The following TCF4 variants were observed in gnomAD, a reference collection of about 807,000 sequenced individuals.
TCF4 encodes SL3-3 enhancer factor 2.
In TCF4, 3 loss-of-function variants were observed where a neutral mutation model predicts 82.1. The ratio of observed to expected loss-of-function variants is 0.04; its 90% CI spans 0.02 to 0.09. TCF4 has a LOEUF of 0.09. Among genes scored for constraint, TCF4 ranks in the 10% least tolerant of loss-of-function variants. TCF4 has a pLI of 1.00. For missense variants in TCF4, 518 were observed against 852.7 expected, an observed-to-expected ratio of 0.61 and a Z score of 4.89; for synonymous variants, 276 against 309.6, an observed-to-expected ratio of 0.89 and a Z score of 1.14.
At chr18:55,247,305 A>G (rs2053585572) in intron 15 of TCF4, among the ~76,000 whole-genome samples, 1 of 152,218 alleles carries the variant, frequency 6.6e-6, no homozygotes, top group Non-Finnish European at 1.5e-5. Context: ...CAGAGATGGC[A>G]GAGTATGTGA....
At chr18:55,576,196 T>C (rs2097526757) in intron 3 of TCF4, among the ~76,000 whole-genome samples, 1 of 143,204 alleles carries the variant, frequency 7.0e-6, no homozygotes, top group African/African-American at 2.4e-5. Context: ...CCAGCAAACA[T>C]TGCAAAAGAA....
At chr18:55,566,314 AG>A (rs946740310) in intron 3 of TCF4, among the ~76,000 whole-genome samples, 7 of 152,166 alleles carry the variant, frequency 4.6e-5, no homozygotes, top group African/African-American at 1.7e-4. Flanking sequence ...GGAAAGGTAG[AG>A]GGGCAGGAGG....
chr18:55,603,608 G>A lies in TCF4; in HGVS notation c.287-16472C>T, dbSNP rs189867090. ...AAATAGTTAATAACAGGTGGAACAG[G>A]CGACACAAACTCCTCACTATTGTCC... is the stretch of plus-strand genomic sequence containing the variant. On this transcript the variant is annotated intron_variant, in intron 2 of 20. Transcript: ENST00000398339. 4.6e-5 allele frequency among the ~76,000 whole-genome samples: 7 copies of A among 152,216 alleles called. No individual in the cohort carries two copies. In the East Asian group the frequency reaches 1.4e-3, roughly 29 times the overall value.
At chr18:55,420,220 G>A (rs1424674489) in intron 5 of TCF4, among the ~76,000 whole-genome samples, 3 of 152,082 alleles carry the variant, frequency 2.0e-5, no homozygotes, top group Admixed American at 6.5e-5. Context: ...TTTCCCTAAA[G>A]GAATACACCA....
chr18:55,375,310 A>G (rs2090454999), intron 6 of TCF4, among the ~76,000 whole-genome samples: 1 of 152,124 alleles, frequency 6.6e-6, no homozygotes, highest in African/African-American at 2.4e-5. Context: ...ACACACATGC[A>G]CACAAGCATA....
chr18:55,425,527 A>C (rs1159987779), intron 5 of TCF4, among the ~76,000 whole-genome samples: 1 of 151,304 alleles, frequency 6.6e-6, no homozygotes. Context: ...AAAAAAAAAA[A>C]CAGAAAACAT....
chr18:55,480,756 G>C (rs1235750985), intron 3 of TCF4, among the ~76,000 whole-genome samples: 1 of 152,186 alleles, frequency 6.6e-6, no homozygotes, highest in Non-Finnish European at 1.5e-5. Flanking sequence ...GTATCACAGT[G>C]GTGGGGGACA....
In TCF4 at chr18:55,425,937, T is replaced by C. The variant is rs540720937; in HGVS notation, c.305-22419A>G. Among the ~76,000 whole-genome samples, 4 of 152,236 alleles carry C rather than the reference T, an allele frequency of 2.6e-5. No individual in the cohort carries two copies. The South Asian group carries it at 6.2e-4, about 24-fold the overall frequency. ...TTTAAACTACCACTCTACAGGAAGA[T>C]GGGAAATGCCTAGTGCTCTACTTTA... On this transcript the variant is annotated intron_variant, in intron 5 of 19. Transcript: ENST00000354452.
chr18:55,352,372 T>C (rs1242418273), intron 6 of TCF4, among the ~76,000 whole-genome samples: 3 of 152,160 alleles, frequency 2.0e-5, no homozygotes, highest in African/African-American at 7.2e-5. Flanking sequence ...AGAACCTCTC[T>C]ATTCCAAGGG....
At chr18:55,631,872 T>C (rs1400359517) in intron 1 of TCF4, among the ~76,000 whole-genome samples, 3 of 152,194 alleles carry the variant, frequency 2.0e-5, no homozygotes, top group African/African-American at 7.2e-5. Flanking sequence ...AAGGTATTAA[T>C]TCCAATTCTG....
At chr18:55,309,571 T>C (rs1485554156) in intron 8 of TCF4, among the ~76,000 whole-genome samples, 3 of 152,226 alleles carry the variant, frequency 2.0e-5, no homozygotes, top group Non-Finnish European at 4.4e-5. Context: ...AGAAAATGTC[T>C]GAAAGAACCG....
chr18:55,268,721 C>G (rs555519756), intron 11 of TCF4: 2 of 152,050 alleles, frequency 1.3e-5, no homozygotes, highest in Non-Finnish European at 2.9e-5. Flanking sequence ...AAGTGATTCA[C>G]GCCACTTCCC....
chr18:55,604,410 G>A (rs1482143851), intron 2 of TCF4, among the ~76,000 whole-genome samples: 1 of 152,088 alleles, frequency 6.6e-6, no homozygotes, highest in East Asian at 1.9e-4. Context: ...GTGGGGGTGA[G>A]ATGGGCCTTG....
intron 3 of TCF4, among the ~76,000 whole-genome samples, chr18:55,582,431 C>A (rs2097584612): frequency 6.6e-6 from 1 of 152,090 alleles, no homozygotes; most frequent in South Asian, 2.1e-4. Context: ...TGTTTTAGTG[C>A]TTTCTGCTGA....
At chr18:55,389,767 C>T (rs1408321352) in intron 6 of TCF4, among the ~76,000 whole-genome samples, 1 of 152,072 alleles carries the variant, frequency 6.6e-6, no homozygotes, top group Non-Finnish European at 1.5e-5. Flanking sequence ...ACTCCAGCAG[C>T]AGTGGACAGG....
chr18:55,464,556 G>A (rs1419848387), intron 3 of TCF4, among the ~76,000 whole-genome samples: 10 of 152,142 alleles, frequency 6.6e-5, no homozygotes, highest in Admixed American at 6.5e-4. Context: ...AATGCTCTTG[G>A]ATCCTTTTTG....
At chr18:55,577,639 A>G (rs948156618) in intron 3 of TCF4, among the ~76,000 whole-genome samples, 25 of 152,104 alleles carry the variant, frequency 1.6e-4, no homozygotes, top group Admixed American at 1.6e-3. Context: ...CCAGTCCTGT[A>G]AACACCCCAT....
chr18:55,584,559 G>A (rs181050380), intron 3 of TCF4, among the ~76,000 whole-genome samples: 1 of 152,152 alleles, frequency 6.6e-6, no homozygotes, highest in African/African-American at 2.4e-5. Context: ...CCCCTCCTTA[G>A]ATTCCAGATA....
At chr18:55,362,334 A>C (rs549811467) in intron 6 of TCF4, among the ~76,000 whole-genome samples, 6 of 123,810 alleles carry the variant, frequency 4.8e-5, no homozygotes, top group Admixed American at 7.9e-5. Context: ...AAAACAAAAA[A>C]AAAAGAGGAA....
Sources: allele counts gnomAD v4.1 joint callset (sites outside exome capture counted in the v4.1 genomes callset), GRCh38; gene constraint gnomAD v4.1.1; transcripts MANE v1.5; gene names NCBI Gene and HGNC (gene_info 2026-07-23, HGNC 2026-07-21).